NRG1: variants seen among roughly 807,000 people sequenced by gnomAD.
The protein encoded by NRG1 is pro-neuregulin-1, membrane-bound isoform.
A neutral mutation model predicts 63.8 loss-of-function variants in NRG1; 18 were observed. That is an observed-to-expected ratio of 0.28 (90% CI 0.19 to 0.42). NRG1 has a LOEUF of 0.42. NRG1 is among the 10% of genes least tolerant of loss of function. NRG1 has a pLI of 1.00. For synonymous variants in NRG1, 302 were observed against 301.3 expected, an observed-to-expected ratio of 1.00 and a Z score of -0.02; for missense variants, 762 against 814.7, an observed-to-expected ratio of 0.94 and a Z score of 0.79.
At chr8:31,880,125 G>A (rs780518939) in intron 1 of NRG1, among the ~76,000 whole-genome samples, 7 of 152,130 alleles carry the variant, frequency 4.6e-5, no homozygotes, top group East Asian at 1.9e-4. Context: ...GCAGTATGGC[G>A]ATTCCTCAAA....
intron 5 of NRG1, among the ~76,000 whole-genome samples, chr8:32,719,486 A>G (rs184640215): frequency 3.5e-4 from 53 of 152,108 alleles, no homozygotes; most frequent in Middle Eastern, 6.8e-3. Context: ...TGTATCTCTA[A>G]AAGATAAGGA....
intron 1 of NRG1, among the ~76,000 whole-genome samples, chr8:32,289,168 A>G (rs1483511017): frequency 6.6e-6 from 1 of 152,180 alleles, no homozygotes; most frequent in Non-Finnish European, 1.5e-5. Context: ...GACTCCTTAA[A>G]AGATATGCAG....
At chr8:32,687,317 T>C (rs1357364871) in intron 5 of NRG1, among the ~76,000 whole-genome samples, 1 of 152,172 alleles carries the variant, frequency 6.6e-6, no homozygotes, top group Non-Finnish European at 1.5e-5. Flanking sequence ...GACTAGATGA[T>C]GGATGGATGG....
chr8:32,677,249 T>A (rs1807368677), intron 5 of NRG1, among the ~76,000 whole-genome samples: 1 of 152,220 alleles, frequency 6.6e-6, no homozygotes, highest in African/African-American at 2.4e-5. Context: ...ACTTCTTTTC[T>A]TCTATAATTA....
At chr8:32,052,670 T>C (rs1333005761) in intron 1 of NRG1, among the ~76,000 whole-genome samples, 1 of 152,218 alleles carries the variant, frequency 6.6e-6, no homozygotes, top group Admixed American at 6.6e-5. Context: ...TCATCTCATT[T>C]AGAAATGTGG....
chr8:31,766,865 C>A (rs1049762195), intron 1 of NRG1, among the ~76,000 whole-genome samples: 2 of 152,162 alleles, frequency 1.3e-5, no homozygotes, highest in African/African-American at 2.4e-5. Flanking sequence ...TGGAGCAGAA[C>A]GTGACATCTC....
intron 1 of NRG1, among the ~76,000 whole-genome samples, chr8:32,066,972 T>C (rs1426595958): frequency 6.6e-6 from 1 of 152,196 alleles, no homozygotes; most frequent in Admixed American, 6.5e-5. Context: ...AGTTCACTCA[T>C]GATTTGGCTC....
intron 1 of NRG1, among the ~76,000 whole-genome samples, chr8:31,835,638 G>A (rs77420244): frequency 0.14 from 21,527 of 152,112 alleles, 1,988 homozygotes; most frequent in Non-Finnish European, 0.19. Context: ...CCCTTAGGCT[G>A]CATATTACCC....
At chr8:32,474,656 C>G (rs1824271555) in intron 1 of NRG1, among the ~76,000 whole-genome samples, 1 of 152,008 alleles carries the variant, frequency 6.6e-6, no homozygotes, top group African/African-American at 2.4e-5. Flanking sequence ...CCACGCCTAG[C>G]TAATTTTTGT....
At chr8:31,672,414 A>C (rs1160886526) in intron 1 of NRG1, among the ~76,000 whole-genome samples, 3 of 152,132 alleles carry the variant, frequency 2.0e-5, no homozygotes, top group African/African-American at 7.2e-5. Flanking sequence ...CACCGAAGCC[A>C]TGAGTGTGAT....
intron 1 of NRG1, among the ~76,000 whole-genome samples, chr8:32,154,603 C>T (rs757934022): frequency 4.3e-4 from 66 of 152,036 alleles, no homozygotes; most frequent in Middle Eastern, 3.2e-3. Context: ...CTATGTAAAG[C>T]GATTTTGAAT....
At chr8:32,038,090 C>T (rs2130600850) in intron 1 of NRG1, among the ~76,000 whole-genome samples, 1 of 152,374 alleles carries the variant, frequency 6.6e-6, no homozygotes, top group African/African-American at 2.4e-5. Context: ...CCGCTGTGAG[C>T]CTGCACAGCT....
At chr8:31,784,626 G>C (rs1820007512) in intron 1 of NRG1, among the ~76,000 whole-genome samples, 1 of 152,106 alleles carries the variant, frequency 6.6e-6, no homozygotes, top group Non-Finnish European at 1.5e-5. Context: ...TAGAATCTCG[G>C]AGAGTGCCAA....
At chr8:31,733,537 A>C (rs1022447487) in intron 1 of NRG1, among the ~76,000 whole-genome samples, 2 of 152,088 alleles carry the variant, frequency 1.3e-5, no homozygotes, top group African/African-American at 4.8e-5. Context: ...GCCTGTGGAC[A>C]CTGAACTTGA....
chr8:31,704,830 T>TAA (rs373101607), intron 1 of NRG1, among the ~76,000 whole-genome samples: 5 of 118,832 alleles, frequency 4.2e-5, no homozygotes, highest in South Asian at 2.8e-4. Context: ...AGACTCCGTC[T>TAA]AAAAAAAAAA....
At chr8:32,322,131 T>C (rs1362047652) in intron 1 of NRG1, among the ~76,000 whole-genome samples, 3 of 151,764 alleles carry the variant, frequency 2.0e-5, no homozygotes, top group African/African-American at 4.8e-5. Context: ...TGCACAGTGA[T>C]CATGCCTGTG....
chr8:32,025,121 T>TA (rs1413071609), intron 1 of NRG1, among the ~76,000 whole-genome samples: 9 of 152,174 alleles, frequency 5.9e-5, no homozygotes, highest in African/African-American at 2.2e-4. Context: ...TTGTAAATAT[T>TA]AAAAATGCTG....
exon 12 of NRG1, chr8:32,763,812 C>T: frequency 6.2e-7 from 1 of 1,602,564 alleles, no homozygotes; most frequent in South Asian, 1.1e-5. Context: ...GCCAAGCTCC[C>T]CCAAATCGCC....
At chr8:32,263,667 A>G (rs921792891) in intron 1 of NRG1, among the ~76,000 whole-genome samples, 3 of 152,194 alleles carry the variant, frequency 2.0e-5, no homozygotes, top group African/African-American at 7.2e-5. Flanking sequence ...TTTTTAAAAA[A>G]ATATTTTCCC....
Sources: allele counts gnomAD v4.1 joint callset (sites outside exome capture counted in the v4.1 genomes callset), GRCh38; gene constraint gnomAD v4.1.1; transcripts MANE v1.5; gene names NCBI Gene and HGNC (gene_info 2026-07-23, HGNC 2026-07-21).